SHOC1: variants seen among roughly 807,000 people sequenced by gnomAD.
The protein encoded by SHOC1 is shortage in chiasmata 1.
Under a neutral mutation model 179.2 loss-of-function variants are expected in SHOC1, and 136 were observed. The observed-to-expected ratio is 0.76, with a 90% CI of 0.66 to 0.87. The LOEUF is 0.87. SHOC1 is among the 40% of genes least tolerant of loss of function. The pLI, the probability that SHOC1 is intolerant of heterozygous loss-of-function variation, is 0.00. For missense variants in SHOC1, 1,538 were observed against 1,700.8 expected (o/e 0.90, Z 1.68); for synonymous variants, 489 against 586.6 (o/e 0.83, Z 2.41).
chr9:111,700,051 C>A lies in SHOC1; in HGVS notation c.3090-4G>T. Reference sequence around the variant, plus strand: ...TGTCTTTTCTGTAAGCAGATACCTACAAAGAATTATATTACTATATTTCTA... The same window carrying A: ...TGTCTTTTCTGTAAGCAGATACCTAAAAAGAATTATATTACTATATTTCTA... On this transcript the variant is annotated splice_region_variant and splice_polypyrimidine_tract_variant and intron_variant, in intron 23 of 27. Transcript: ENST00000682961. 7.0e-7 allele frequency: 1 copy of A among 1,423,462 alleles called. No individual in the cohort carries two copies. The allele number at this position is 1,423,462 out of a possible 1,614,324, so 88.2% of individuals were successfully genotyped here.
chr9:111,732,750 AG>A (rs1356608336), intron 12 of SHOC1, among the ~76,000 whole-genome samples: 2 of 152,046 alleles, frequency 1.3e-5, no homozygotes, highest in African/African-American at 4.8e-5. Flanking sequence ...GTCAAGGACC[AG>A]GGGGGTAGGT....
intron 3 of SHOC1, among the ~76,000 whole-genome samples, chr9:111,784,270 C>A (rs185924180): frequency 6.6e-6 from 1 of 152,290 alleles, no homozygotes; most frequent in Non-Finnish European, 1.5e-5. Flanking sequence ...CTCTATAAGC[C>A]TTTCCCTATT....
At chr9:111,784,434 TC>T (rs1375605615) in intron 3 of SHOC1, among the ~76,000 whole-genome samples, 2 of 152,210 alleles carry the variant, frequency 1.3e-5, no homozygotes, top group Non-Finnish European at 2.9e-5. Flanking sequence ...ATAAGCCTTG[TC>T]CAAGACACTG....
intron 3 of SHOC1, 105 bp downstream of exon 3, chr9:111,785,807 A>G (rs2131643545): frequency 1.1e-6 from 1 of 933,424 alleles, no homozygotes; most frequent in Non-Finnish European, 1.5e-6. Flanking sequence ...GAGTAGATGC[A>G]ATGAGTTTTT....
chr9:111,780,860 G>A, intron 4 of SHOC1, 70 bp downstream of exon 4: 3 of 1,029,956 alleles, frequency 2.9e-6, no homozygotes, highest in Non-Finnish European at 4.4e-6. Context: ...TCCCTCTTTA[G>A]GTATCTGGAG....
chr9:111,731,663 ATACT>A (rs549114467), intron 12 of SHOC1, among the ~76,000 whole-genome samples: 161 of 152,358 alleles, frequency 1.1e-3, no homozygotes, highest in African/African-American at 3.8e-3. Context: ...TAAGAAAAAA[ATACT>A]TACTATTGTG....
intron 1 of SHOC1, among the ~76,000 whole-genome samples, chr9:111,793,711 T>G (rs1263995517): frequency 6.6e-6 from 1 of 151,908 alleles, no homozygotes; most frequent in Non-Finnish European, 1.5e-5. Context: ...TCTAAAGATT[T>G]TATTTCTTTT....
chr9:111,710,475 G>A (rs1474440630), intron 18 of SHOC1, among the ~76,000 whole-genome samples: 1 of 152,166 alleles, frequency 6.6e-6, no homozygotes, highest in African/African-American at 2.4e-5. Flanking sequence ...TACGTATATA[G>A]AGAGGCACTA....
At position 111,691,742 on chromosome 9, in the gene SHOC1, C is replaced by G. The variant is rs760262531; in HGVS notation, c.4235G>C (p.Ser1412Thr). ...SDESEGLTCE[S>T]SKDETFWREL... ...TCTCCAGAAAGTCTCATCTTTTGAA[C>G]TTTCACATGTGAGGCCTTCAGACTC... Residue 1412 changes from serine to threonine, a missense_variant, in exon 27 of 28, where the codon AGT (serine) becomes ACT (threonine). Transcript: ENST00000682961. 6.2e-7 allele frequency: 1 copy of G among 1,613,900 alleles called. No homozygotes were observed. Among genetic ancestry groups the G allele is most frequent in the African/African-American group, 1.3e-5 (1 of 74,932 alleles).
intron 4 of SHOC1, among the ~76,000 whole-genome samples, chr9:111,778,163 A>G (rs1835900430): frequency 6.6e-6 from 1 of 152,110 alleles, no homozygotes; most frequent in South Asian, 2.1e-4. Context: ...TCCCTGTCCA[A>G]TATATTTATT....
chr9:111,700,118 T>C (rs1377460708), intron 23 of SHOC1, 71 bp from the exon 24 acceptor site: 1 of 853,618 alleles, frequency 1.2e-6, no homozygotes, highest in Non-Finnish European at 1.8e-6. Context: ...ATTCATTTTG[T>C]TTTCCACATT....
intron 17 of SHOC1, 68 bp from the exon 18 acceptor site, chr9:111,713,240 C>A: frequency 1.3e-6 from 1 of 764,044 alleles, no homozygotes; most frequent in East Asian, 2.9e-5. Flanking sequence ...GATACAGTGA[C>A]AAAATAACAA....
At chr9:111,732,837 C>T (rs564022477) in intron 12 of SHOC1, among the ~76,000 whole-genome samples, 24 of 152,278 alleles carry the variant, frequency 1.6e-4, no homozygotes, top group African/African-American at 5.3e-4. Context: ...GATAGAAATA[C>T]TCTGCATCTT....
At chr9:111,736,021 C>A (rs1048159684) in intron 12 of SHOC1, among the ~76,000 whole-genome samples, 5 of 152,020 alleles carry the variant, frequency 3.3e-5, no homozygotes, top group Non-Finnish European at 7.4e-5. Context: ...AGATAAAAGA[C>A]CTCTACAAGG....
rs1408757094 is a variant in SHOC1, at chr9:111,723,897, A to T, written c.1849T>A (p.Ser617Thr). The change falls in exon 14 of 28, where the codon TCT (serine) becomes ACT (threonine). Residue 617 changes from serine to threonine, a missense_variant. Coordinates refer to ENST00000682961, the MANE Select transcript of SHOC1 (RefSeq NM_001378211.1). ...SDEKHDKEAC[S>T]LTLQEESPIV... ...GGACTTTCTTCTTGAAGTGTCAAAG[A>T]ACATGCTTCTTTATCTTGAAATTCC... The T allele has an allele frequency of 6.5e-7, 1 of 1,550,346 alleles. No homozygotes were observed. The highest frequency in any genetic ancestry group is 1.4e-5 in the African/African-American group (1 of 73,226).
chr9:111,727,135 C>A (rs1833329278), intron 13 of SHOC1, among the ~76,000 whole-genome samples: 1 of 152,062 alleles, frequency 6.6e-6, no homozygotes, highest in South Asian at 2.1e-4. Flanking sequence ...CATTATATTA[C>A]CTTTGATGTG....
rs1372401794 is a variant in SHOC1 at position 111,691,779 on chromosome 9, A to G, written c.4198T>C (p.Cys1400Arg). 6.2e-7 allele frequency: 1 copy of G among 1,613,796 alleles called. No individual in the cohort carries two copies. The highest frequency in any genetic ancestry group is 8.5e-7 in the Non-Finnish European group (1 of 1,179,958). The stretch of plus-strand genomic sequence containing the variant: ...AGGCCTTCAGACTCATCTGATAGAC[A>G]TTTTTGCTGATCAGTGAATAAATTA... The part of the protein sequence containing the change: ...KGNLFTDQQK[C>R]LSDESEGLTC... The change falls in exon 27 of 28, where the codon TGT (cysteine) becomes CGT (arginine). Residue 1400 changes from cysteine (C) to arginine (R), a missense_variant. Physicochemically the swap from Cys to Arg is radical, Grantham distance 180 (BLOSUM62 -3). Coordinates refer to ENST00000682961, the MANE Select transcript of SHOC1 (RefSeq NM_001378211.1).
At chr9:111,704,634 T>C (rs558208774) in intron 21 of SHOC1, among the ~76,000 whole-genome samples, 1 of 152,212 alleles carries the variant, frequency 6.6e-6, no homozygotes, top group Non-Finnish European at 1.5e-5. Flanking sequence ...ATCTGCATTT[T>C]AACTAAGGTA....
chr9:111,744,997 G>A (rs1270025108), intron 10 of SHOC1, among the ~76,000 whole-genome samples: 1 of 152,156 alleles, frequency 6.6e-6, no homozygotes, highest in African/African-American at 2.4e-5. Context: ...AGACTATTCT[G>A]TGCAATAATG....
Sources: allele counts gnomAD v4.1 joint callset (sites outside exome capture counted in the v4.1 genomes callset), GRCh38; gene constraint gnomAD v4.1.1; transcripts MANE v1.5; gene names NCBI Gene and HGNC (gene_info 2026-07-23, HGNC 2026-07-21).